DNTTIP2: variants seen among roughly 807,000 people sequenced by gnomAD.
DNTTIP2 encodes deoxynucleotidyltransferase terminal interacting protein 2.
Under a neutral mutation model 62.4 loss-of-function variants are expected in DNTTIP2, and 47 were observed. The observed-to-expected ratio is 0.75, with a 90% CI of 0.60 to 0.96. The LOEUF (loss-of-function observed/expected upper bound fraction) is 0.96. DNTTIP2 is among the 40% of genes least tolerant of loss of function. The pLI, the probability that DNTTIP2 is intolerant of heterozygous loss-of-function variation, is 0.00. For missense variants in DNTTIP2, 870 were observed against 849.1 expected, an observed-to-expected ratio of 1.02 and a Z score of -0.31; for synonymous variants, 322 against 300.9, an observed-to-expected ratio of 1.07 and a Z score of -0.73.
intron 5 of DNTTIP2, 113 bp from the exon 6 acceptor site, chr1:93,870,905 C>T (rs1274745193): frequency 6.3e-6 from 3 of 474,674 alleles, no homozygotes; most frequent in African/African-American, 6.1e-5. Context: ...GCTTACATTA[C>T]ACTAATAGTA....
At position 93,875,851 on chromosome 1, in the gene DNTTIP2, T is replaced by G; in HGVS notation, c.1668-68A>C. Reference sequence around the variant, plus strand: ...AAATGGAAACATATAAGATGGCATTTTAAAAAATCACTTATTCTTCTCTTC... The same window carrying G: ...AAATGGAAACATATAAGATGGCATTGTAAAAAATCACTTATTCTTCTCTTC... On this transcript the variant is annotated intron_variant, in intron 2 of 6. Coordinates refer to ENST00000436063, the MANE Select transcript of DNTTIP2 (RefSeq NM_014597.5). The G allele has an allele frequency of 3.4e-6, 5 of 1,483,514 alleles. No individual in the cohort carries two copies. The South Asian group carries it at 5.4e-5, about 16-fold the overall frequency. The allele number at this position is 1,483,514 out of a possible 1,614,324, so 91.9% of individuals were successfully genotyped here. A position where few individuals can be genotyped will look rare whatever the true frequency, so the allele number is the denominator to read the frequency against.
chr1:93,866,786 T>C lies in DNTTIP2; in HGVS notation c.*3065A>G, dbSNP rs1655732805. On this transcript the variant is annotated 3_prime_UTR_variant, in exon 7 of 7. Coordinates refer to ENST00000436063, the MANE Select transcript of DNTTIP2 (RefSeq NM_014597.5). ...TGAACACAGAACTGATTGTGTTGGA[T>C]GCTAAGAACCTAGCCCAGAGCCCAA... 1 of 152,240 alleles carries C rather than the reference T, an allele frequency of 6.6e-6. No homozygotes were observed. The highest frequency in any genetic ancestry group is 6.5e-5 in the Admixed American group (1 of 15,282). The allele number at this position is 152,240 out of a possible 1,614,324, so 9.4% of individuals were successfully genotyped here.
At chr1:93,873,426 TAAAAA>T (rs576358369) in intron 3 of DNTTIP2, 458 of 213,068 alleles carry the variant, frequency 2.1e-3, no homozygotes, top group South Asian at 7.1e-3. Context: ...ACCCTGACTG[TAAAAA>T]AAAAAAAAAA....
chr1:93,878,849 A>C, intron 1 of DNTTIP2: 1 of 544,056 alleles, frequency 1.8e-6, no homozygotes, highest in South Asian at 2.5e-5. Context: ...ACCCAAATAA[A>C]GTTATCTAAC....
intron 5 of DNTTIP2, 107 bp downstream of exon 5, chr1:93,871,965 T>C (rs1256283371): frequency 1.6e-6 from 2 of 1,259,226 alleles, no homozygotes. Context: ...ACATTAGGCA[T>C]GCACAATGGA....
In DNTTIP2 at chr1:93,877,100, TTAATA is replaced by T. The variant is rs1656030776; in HGVS notation, c.830_834del (p.Ile277AsnfsTer9). The T allele has an allele frequency of 1.2e-6, 2 of 1,611,452 alleles. No homozygotes were observed. Among genetic ancestry groups the T allele is most frequent in the Non-Finnish European group, 1.7e-6 (2 of 1,179,802 alleles). ...TCAACATTGGCCTGTTCGTGCACTG[TTAATA>T]TATTTTCTGAACTTCTGTGGGAGAA... On this transcript the variant is annotated frameshift_variant, in exon 2 of 7. Transcript: ENST00000436063. LOFTEE classifies it high-confidence loss of function.
In DNTTIP2 at chr1:93,876,765, C is replaced by T. The variant is rs1214441797; in HGVS notation, c.1170G>A (p.Lys390=). The change falls in exon 2 of 7, where the codon AAG becomes AAA. Residue 390 remains lysine (K), a synonymous_variant. Transcript: ENST00000436063. ...CATCACTACCACCACAATCACCAAA[C>T]TTTGTCAAGTCACTTGCTTTTATGG... is the stretch of plus-strand genomic sequence containing the variant. The part of the protein sequence containing the change: ...KSPIKASDLT[K]FGDCGGSDDE... 6.2e-7 allele frequency: 1 copy of T among 1,613,980 alleles called. No homozygotes were observed. The highest frequency in any genetic ancestry group is 1.7e-5 in the Admixed American group (1 of 60,024).
chr1:93,866,441 A>G lies in DNTTIP2; in HGVS notation c.*3410T>C, dbSNP rs1655727166. 6.6e-6 allele frequency: 1 copy of G among 152,194 alleles called. No individual in the cohort carries two copies. Among genetic ancestry groups the G allele is most frequent in the Non-Finnish European group, 1.5e-5 (1 of 68,036 alleles). 9.4% of individuals were successfully genotyped at this position (152,194 alleles called of 1,614,324 possible). The stretch of plus-strand genomic sequence containing the variant: ...TTAAGTAAACAATTAGGCATTTTTC[A>G]ATGGTTTGGGATCTATTGTAGGTAA... On this transcript the variant is annotated 3_prime_UTR_variant, in exon 7 of 7. Transcript: ENST00000436063.
intron 1 of DNTTIP2, 112 bp from the exon 2 acceptor site, chr1:93,877,974 CA>C (rs1557719993): frequency 7.1e-7 from 1 of 1,403,186 alleles, no homozygotes; most frequent in Non-Finnish European, 9.3e-7. Context: ...ACCTTTAAAA[CA>C]AAAAACAAAA....
At chr1:93,871,956 C>T (rs1196871604) in intron 5 of DNTTIP2, 116 bp downstream of exon 5, 2 of 1,151,398 alleles carry the variant, frequency 1.7e-6, no homozygotes, top group South Asian at 3.0e-5. Context: ...ATGTTCCATA[C>T]ATTAGGCATG....
In DNTTIP2 at chr1:93,869,474, T is replaced by C. The variant is rs1405923876; in HGVS notation, c.*377A>G. ...ACATAAAACTACCTATTAATTACAA[T>C]AATGTTTATATATCTTTGATCATTT... On this transcript the variant is annotated 3_prime_UTR_variant, in exon 7 of 7. Transcript: ENST00000436063. 4 of 179,714 alleles carry C rather than the reference T, an allele frequency of 2.2e-5. No homozygotes were observed. The East Asian group carries it at 6.0e-4, about 27-fold the overall frequency. The allele number at this position is 179,714 out of a possible 1,614,324, so 11.1% of individuals were successfully genotyped here. A position where few individuals can be genotyped will look rare whatever the true frequency, so the allele number is the denominator to read the frequency against.
chr1:93,875,773 T>G lies in DNTTIP2; in HGVS notation c.1678A>C (p.Thr560Pro). The change falls in exon 3 of 7, where the codon ACA (threonine) becomes CCA (proline). Residue 560 changes from threonine (T) to proline (P), a missense_variant. Physicochemically the swap from Thr to Pro is conservative, Grantham distance 38. Coordinates refer to ENST00000436063, the MANE Select transcript of DNTTIP2 (RefSeq NM_014597.5). ...AGACCAGGGTCTATGCTGCTGCTTG[T>G]CAACTTCAGACTGAAAAAGAAATCA... ...NSTKAKLLKLTSSSIDPGLSI... is the reference protein window; with the variant it reads ...NSTKAKLLKLPSSSIDPGLSI... 6.2e-7 allele frequency: 1 copy of G among 1,609,398 alleles called. No individual in the cohort carries two copies. Among genetic ancestry groups the G allele is most frequent in the South Asian group, 1.1e-5 (1 of 89,574 alleles).
intron 3 of DNTTIP2, among the ~76,000 whole-genome samples, chr1:93,874,705 G>C (rs938672474): frequency 2.6e-5 from 4 of 152,160 alleles, no homozygotes; most frequent in African/African-American, 9.7e-5. Flanking sequence ...TGTTGCCCAG[G>C]TTGGTCTCAA....
intron 1 of DNTTIP2, 97 bp downstream of exon 1, chr1:93,878,980 G>A (rs922729171): frequency 3.7e-5 from 55 of 1,472,498 alleles, no homozygotes; most frequent in Non-Finnish European, 4.8e-5. Context: ...CCTCTCTGTC[G>A]GCAGGTCCTC....
In DNTTIP2 at chr1:93,870,726, T is replaced by C. The variant is rs2100882491; in HGVS notation, c.2134A>G (p.Arg712Gly). Reference sequence around the variant, plus strand: ...GCCAGCAGTTCTTCCACAATAGTTCTTTTCCTTTGCTTCTTGGGAATTCGT... The same window carrying C: ...GCCAGCAGTTCTTCCACAATAGTTCCTTTCCTTTGCTTCTTGGGAATTCGT... ...HSRIPKKQRK[R>G]TIVEELLADS... The change falls in exon 6 of 7, where the codon AGA (arginine) becomes GGA (glycine). Residue 712 changes from arginine (R) to glycine (G), a missense_variant. Transcript: ENST00000436063. 14 of 1,575,250 alleles carry C rather than the reference T, an allele frequency of 8.9e-6. No individual in the cohort carries two copies. Among genetic ancestry groups the C allele is most frequent in the South Asian group, 1.2e-5 (1 of 84,996 alleles).
At position 93,872,214 on chromosome 1, in the gene DNTTIP2, C is replaced by G. The variant is rs1319920130; in HGVS notation, c.1925G>C (p.Gly642Ala). The G allele has an allele frequency of 1.9e-6, 3 of 1,613,320 alleles. No homozygotes were observed. The highest frequency in any genetic ancestry group is 1.1e-5 in the South Asian group (1 of 90,992). Reference sequence around the variant, plus strand: ...AGCTTTCATACCAAACCAGCCATCCCCTGCTGTTTTTTGTCGTTCTTTCTG... The same window carrying G: ...AGCTTTCATACCAAACCAGCCATCCGCTGCTGTTTTTTGTCGTTCTTTCTG... ...KRRKERQKTA[G>A]DGWFGMKAPE... is the part of the protein sequence containing the mutation. Residue 642 changes from glycine to alanine, a missense_variant, in exon 5 of 7, where the codon GGG (glycine) becomes GCG (alanine). By Grantham distance (60) the Gly-to-Ala change is moderately conservative. Transcript: ENST00000436063.
At chr1:93,873,339 C>G in intron 3 of DNTTIP2, 125 bp from the exon 4 acceptor site, 1 of 682,566 alleles carries the variant, frequency 1.5e-6, no homozygotes, top group Non-Finnish European at 2.5e-6. Flanking sequence ...ACCTATAATC[C>G]TAGTGCTTTG....
rs763143038 is a variant in DNTTIP2, at chr1:93,872,183, T to C, written c.1956A>G (p.Glu652=). The C allele has an allele frequency of 6.2e-7, 1 of 1,613,922 alleles. No individual in the cohort carries two copies. ...GATCATTTTTCAGTTCATTTGTCAT[T>C]TCTGGAGCTTTCATACCAAACCAGC... ...GDGWFGMKAP[E]MTNELKNDLK... is the part of the protein sequence containing the mutation. Residue 652 remains glutamate, a synonymous_variant, in exon 5 of 7, where the codon GAA becomes GAG. Transcript: ENST00000436063.
At position 93,866,355 on chromosome 1, in the gene DNTTIP2, A is replaced by T. The variant is rs1477813373; in HGVS notation, c.*3496T>A. ...TAATTAGAAAGCCCTTTTTGTTGCA[A>T]CCCTTACTGAAAACTTTCAATAAAG... On this transcript the variant is annotated 3_prime_UTR_variant, in exon 7 of 7. Coordinates refer to ENST00000436063, the MANE Select transcript of DNTTIP2 (RefSeq NM_014597.5). 1 of 152,170 alleles carries T rather than the reference A, an allele frequency of 6.6e-6. No homozygotes were observed. The highest frequency in any genetic ancestry group is 1.5e-5 in the Non-Finnish European group (1 of 68,018). The allele number at this position is 152,170 out of a possible 1,614,324, so 9.4% of individuals were successfully genotyped here.
Sources: allele counts gnomAD v4.1 joint callset (sites outside exome capture counted in the v4.1 genomes callset), GRCh38; gene constraint gnomAD v4.1.1; transcripts MANE v1.5; gene names NCBI Gene and HGNC (gene_info 2026-07-23, HGNC 2026-07-21).